Variants in GPR137C observed in about 807,000 individuals in gnomAD.
GPR137C encodes G protein-coupled receptor 137C, also known as integral membrane protein GPR137C.
Under a neutral mutation model 43.4 loss-of-function variants are expected in GPR137C, and 27 were observed. The ratio of observed to expected loss-of-function variants is 0.62; its 90% CI spans 0.46 to 0.86. The LOEUF is 0.86. GPR137C is among the 40% of genes least tolerant of loss of function. The pLI is 0.00. For missense variants in GPR137C, 522 were observed against 534.6 expected, an observed-to-expected ratio of 0.98 and a Z score of 0.23; for synonymous variants, 285 against 226.9, an observed-to-expected ratio of 1.26 and a Z score of -2.30.
At chr14:52,620,899 C>T (rs1025312270) in intron 3 of GPR137C, among the ~76,000 whole-genome samples, 2 of 151,756 alleles carry the variant, frequency 1.3e-5, no homozygotes, top group Non-Finnish European at 2.9e-5. Flanking sequence ...TGGGGAAAGC[C>T]TGTAATAAAA....
intron 1 of GPR137C, among the ~76,000 whole-genome samples, chr14:52,593,033 A>C (rs905867735): frequency 6.6e-6 from 1 of 152,216 alleles, no homozygotes; most frequent in African/African-American, 2.4e-5. Flanking sequence ...GAGAGTTTTT[A>C]GCATGAAGGG....
intron 1 of GPR137C, among the ~76,000 whole-genome samples, chr14:52,596,441 G>A (rs139929004): frequency 0.01 from 1,552 of 152,348 alleles, 25 homozygotes; most frequent in African/African-American, 0.036. Context: ...GGCGTCTAGC[G>A]AGGCGGTAGG....
intron 3 of GPR137C, among the ~76,000 whole-genome samples, chr14:52,607,409 G>A (rs2038994324): frequency 6.6e-6 from 1 of 152,130 alleles, no homozygotes; most frequent in Non-Finnish European, 1.5e-5. Flanking sequence ...TACTGCTACT[G>A]TATTGCAGTT....
Position 52,633,538 on chromosome 14 carries a change from A to AG in GPR137C, c.877dup (p.Glu293GlyfsTer47). 1 of 1,611,992 alleles carries AG rather than the reference A, an allele frequency of 6.2e-7. No individual in the cohort carries two copies. Among genetic ancestry groups the AG allele is most frequent in the Admixed American group, 1.7e-5 (1 of 59,930 alleles). On this transcript the variant is annotated frameshift_variant, in exon 5 of 7. Transcript: ENST00000321662. LOFTEE classifies it high-confidence loss of function. ...CCATGCTCTATTTACAGGCTCATGT[A>AG]GAAGACATAAGTGGAGAAGAGTATA...
chr14:52,568,198 G>T (rs572619918), intron 1 of GPR137C, among the ~76,000 whole-genome samples: 1 of 152,304 alleles, frequency 6.6e-6, no homozygotes, highest in East Asian at 1.9e-4. Flanking sequence ...GGAAGCCCAA[G>T]GGGTCAGGGA....
chr14:52,633,772 TC>T (rs1341351633), intron 5 of GPR137C, 55 bp from the exon 6 acceptor site: 1 of 1,520,254 alleles, frequency 6.6e-7, no homozygotes, highest in African/African-American at 1.4e-5. Flanking sequence ...GATTCTAGCC[TC>T]CTTTCTTAGT....
chr14:52,553,331 G>A lies in GPR137C; in HGVS notation c.184G>A (p.Ala62Thr), dbSNP rs1221829782. The change falls in exon 1 of 7, where the codon GCC becomes ACC. Residue 62 changes from alanine (A) to threonine (T), a missense_variant. Transcript: ENST00000321662. ...LHALLYAALF[A>T]FAYLQLWRLL... ...CGCCCTGCTCTACGCCGCGCTGTTCGCCTTTGCCTACCTGCAGCTGTGGCG... is the reference window on the plus strand; with the variant it reads ...CGCCCTGCTCTACGCCGCGCTGTTCACCTTTGCCTACCTGCAGCTGTGGCG... 1 of 1,597,038 alleles carries A rather than the reference G, an allele frequency of 6.3e-7. No individual in the cohort carries two copies. Among genetic ancestry groups the A allele is most frequent in the Non-Finnish European group, 8.5e-7 (1 of 1,176,512 alleles).
chr14:52,623,700 T>G (rs2039187042), intron 3 of GPR137C, among the ~76,000 whole-genome samples: 1 of 152,134 alleles, frequency 6.6e-6, no homozygotes, highest in South Asian at 2.1e-4. Flanking sequence ...TTTTCCTTAT[T>G]TATAGTTTCA....
chr14:52,598,542 C>A lies in GPR137C; in HGVS notation c.488+227C>A, dbSNP rs76014189. Reference sequence around the variant, plus strand: ...CCACATTTCTCTCCCTTCAGCCATACAGCTGACTAATTTTTTGTTTTTTTG... The same window carrying A: ...CCACATTTCTCTCCCTTCAGCCATAAAGCTGACTAATTTTTTGTTTTTTTG... On this transcript the variant is annotated intron_variant, in intron 2 of 6. Transcript: ENST00000321662. Among the ~76,000 whole-genome samples, 1,133 of 152,248 alleles carry A rather than the reference C, an allele frequency of 7.4e-3. 6 individuals are homozygous for A. The highest frequency in any genetic ancestry group is 0.014 in the Admixed American group (210 of 15,294).
At chr14:52,587,847 G>A (rs1208361437) in intron 1 of GPR137C, among the ~76,000 whole-genome samples, 1 of 152,144 alleles carries the variant, frequency 6.6e-6, no homozygotes, top group Non-Finnish European at 1.5e-5. Flanking sequence ...TACAAGGATG[G>A]GAAGGTGGAG....
At chr14:52,607,888 G>A (rs900854709) in intron 3 of GPR137C, among the ~76,000 whole-genome samples, 11 of 150,780 alleles carry the variant, frequency 7.3e-5, no homozygotes, top group Admixed American at 4.0e-4. Flanking sequence ...AAAAAAAAAA[G>A]AAAAAGACAA....
chr14:52,577,603 GAA>G (rs746265681), intron 1 of GPR137C, among the ~76,000 whole-genome samples: 1 of 114,034 alleles, frequency 8.8e-6, no homozygotes, highest in African/African-American at 3.2e-5. Context: ...GCAAACAAAA[GAA>G]GAGAGAGGAT....
intron 1 of GPR137C, among the ~76,000 whole-genome samples, chr14:52,571,912 G>A (rs1378241031): frequency 2.0e-5 from 3 of 152,046 alleles, no homozygotes; most frequent in Non-Finnish European, 4.4e-5. Context: ...TAATAAAGGG[G>A]ATATCATCAC....
At chr14:52,582,844 T>C (rs2139487671) in intron 1 of GPR137C, among the ~76,000 whole-genome samples, 1 of 152,210 alleles carries the variant, frequency 6.6e-6, no homozygotes, top group East Asian at 1.9e-4. Flanking sequence ...TCATTTCAAA[T>C]CACTTGTATA....
intron 3 of GPR137C, 139 bp downstream of exon 3, chr14:52,600,480 A>G (rs942623530): frequency 1.7e-6 from 1 of 598,498 alleles, no homozygotes; most frequent in Non-Finnish European, 2.9e-6. Flanking sequence ...TCGCCATATT[A>G]GTCAGGCTAG....
At position 52,637,231 on chromosome 14, in the gene GPR137C, A is replaced by G. The variant is rs1020029308; in HGVS notation, c.*2116A>G. On this transcript the variant is annotated 3_prime_UTR_variant, in exon 7 of 7. Transcript: ENST00000321662. Reference sequence around the variant, plus strand: ...TATCACCAAAGACAAATAAAGATACACTCTGGCCCAATCTTTGCTTAAAAA... The same window carrying G: ...TATCACCAAAGACAAATAAAGATACGCTCTGGCCCAATCTTTGCTTAAAAA... 6.6e-6 allele frequency: 1 copy of G among 152,092 alleles called. No individual in the cohort carries two copies. The highest frequency in any genetic ancestry group is 2.4e-5 in the African/African-American group (1 of 41,444). The allele number at this position is 152,092 out of a possible 1,614,324, so 9.4% of individuals were successfully genotyped here. A position where few individuals can be genotyped will look rare whatever the true frequency, so the allele number is the denominator to read the frequency against.
At chr14:52,571,197 C>G (rs936331342) in intron 1 of GPR137C, among the ~76,000 whole-genome samples, 1 of 152,146 alleles carries the variant, frequency 6.6e-6, no homozygotes, top group South Asian at 2.1e-4. Flanking sequence ...CAAAACTGCA[C>G]AACTACATGA....
rs1032636831 is a variant in GPR137C, at chr14:52,636,759, C to A, written c.*1644C>A. On this transcript the variant is annotated 3_prime_UTR_variant, in exon 7 of 7. Coordinates refer to ENST00000321662, the MANE Select transcript of GPR137C (RefSeq NM_001099652.2). ...CTTTGTATTCAATCAGAAGCATATA[C>A]TTATGTTATTTTGGGTTTGTTTATA... 3.9e-5 allele frequency: 6 copies of A among 152,034 alleles called. No individual in the cohort carries two copies. Among genetic ancestry groups the A allele is most frequent in the African/African-American group, 1.4e-4 (6 of 41,420 alleles). 9.4% of individuals were successfully genotyped at this position (152,034 alleles called of 1,614,324 possible). A position where few individuals can be genotyped will look rare whatever the true frequency, so the allele number is the denominator to read the frequency against.
chr14:52,561,362 A>T (rs532789794), intron 1 of GPR137C, among the ~76,000 whole-genome samples: 8 of 152,196 alleles, frequency 5.3e-5, no homozygotes, highest in Non-Finnish European at 1.2e-4. Context: ...GGTCCCAGCT[A>T]CTCAGGAAAC....
Sources: gnomAD v4.1 joint callset for allele counts (sites outside exome capture counted in the v4.1 genomes callset) on GRCh38, gnomAD v4.1.1 for gene constraint, MANE v1.5 for transcripts, NCBI Gene and HGNC (gene_info 2026-07-23, HGNC 2026-07-21) for gene names.